PIANP: variants seen among roughly 807,000 people sequenced by gnomAD.
PIANP encodes PILR alpha-associated neural protein.
PIANP carries 14 observed loss-of-function variants against 28.9 expected under a neutral mutation model. The ratio of observed to expected loss-of-function variants is 0.49; its 90% CI spans 0.32 to 0.76. The LOEUF (loss-of-function observed/expected upper bound fraction) is 0.76. Ranked by LOEUF, PIANP falls within the 30% of genes least tolerant of loss-of-function variation. PIANP has a pLI of 0.03. For synonymous variants in PIANP, 149 were observed against 156.6 expected, an observed-to-expected ratio of 0.95 and a Z score of 0.36; for missense variants, 322 against 371.8, an observed-to-expected ratio of 0.87 and a Z score of 1.10.
rs1405143075 is a variant in PIANP at position 6,696,608 on chromosome 12, C to T, written c.524-84G>A. On this transcript the variant is annotated intron_variant, in intron 3 of 4. Coordinates refer to ENST00000534837, the MANE Select transcript of PIANP (RefSeq NM_001244014.2). This position sits in a 1 kb window ranked among gnomAD's most constrained non-coding sequence, Gnocchi z 4.0. ...CTGGGGGCTGGGCTGTGGGCTCTGT[C>T]GGCTGGAGTGGCATTGCTGTGTGGA... 35 of 949,126 alleles carry T rather than the reference C, an allele frequency of 3.7e-5. No individual in the cohort carries two copies. The highest frequency in any genetic ancestry group is 2.6e-4 in the Middle Eastern group (1 of 3,914). 58.8% of individuals were successfully genotyped at this position (949,126 alleles called of 1,614,324 possible).
In PIANP at chr12:6,696,454, G is replaced by A. The variant is rs758645040; in HGVS notation, c.594C>T (p.Ile198=). 3.8e-6 allele frequency: 6 copies of A among 1,599,668 alleles called. No individual in the cohort carries two copies. Among genetic ancestry groups the A allele is most frequent in the South Asian group, 3.4e-5 (3 of 87,226 alleles). ...TCCTCCCAGCTTACCAGAACTTGAA[G>A]ATGATGCCAGTGGCCACGAGAACAA... is the stretch of plus-strand genomic sequence containing the variant. The part of the protein sequence containing the change: ...IIIVLVATGI[I]FKFCWDRSQK... Residue 198 remains isoleucine (I), a synonymous_variant, in exon 4 of 5, where the codon ATC becomes ATT. Transcript: ENST00000534837. This position sits in a 1 kb window ranked among gnomAD's most constrained non-coding sequence, Gnocchi z 4.0.
chr12:6,699,680 G>T (rs574078056), intron 1 of PIANP, among the ~76,000 whole-genome samples: 2 of 151,846 alleles, frequency 1.3e-5, no homozygotes, highest in Non-Finnish European at 2.9e-5. Context: ...GGGAGAAAAG[G>T]GGGGAAAGCC....
rs2137705853 is a variant in PIANP, at chr12:6,695,910, C to T, written c.606-259G>A. 6.6e-6 allele frequency among the ~76,000 whole-genome samples: 1 copy of T among 152,228 alleles called. No individual in the cohort carries two copies. The highest frequency in any genetic ancestry group is 1.9e-4 in the East Asian group (1 of 5,180). ...TCCAGATCGACAAAATTAATATCCCCTCCCCACCACCACAATGTCCTCTCC... is the reference window on the plus strand; with the variant it reads ...TCCAGATCGACAAAATTAATATCCCTTCCCCACCACCACAATGTCCTCTCC... On this transcript the variant is annotated intron_variant, in intron 4 of 4. Coordinates refer to ENST00000534837, the MANE Select transcript of PIANP (RefSeq NM_001244014.2). The surrounding 1 kb of genome is among the most constrained non-coding windows in gnomAD (Gnocchi z 4.2).
chr12:6,698,138 C>T (rs1352515122), intron 1 of PIANP, 34 bp from the exon 2 acceptor site: 1 of 1,481,916 alleles, frequency 6.7e-7, no homozygotes. Flanking sequence ...CACCCCAGCC[C>T]TGCCCTGTGT....
In PIANP at chr12:6,697,859, G is replaced by A. The variant is rs1189895397; in HGVS notation, c.18-67C>T. ...GTGGGCCTATGTGAGGGAGGGACAG[G>A]TTCACACCAGAAACCTCCAGGTTTC... On this transcript the variant is annotated intron_variant, in intron 2 of 4. Transcript: ENST00000534837. This position sits in a 1 kb window ranked among gnomAD's most constrained non-coding sequence, Gnocchi z 6.9. The A allele has an allele frequency of 2.7e-6, 4 of 1,499,774 alleles. No individual in the cohort carries two copies. The African/African-American group carries it at 5.6e-5, about 21-fold the overall frequency. 92.9% of individuals were successfully genotyped at this position (1,499,774 alleles called of 1,614,324 possible). A position where few individuals can be genotyped will look rare whatever the true frequency, so the allele number is the denominator to read the frequency against.
chr12:6,699,715 G>C lies in PIANP; in HGVS notation c.-44+899C>G, dbSNP rs569653693. ...CCAGGATGGGGAGAAAGGAAGTGGG[G>C]AAGGAGAGAACATAAATGCTTAAGG... On this transcript the variant is annotated intron_variant, in intron 1 of 4. Transcript: ENST00000534837. Among the ~76,000 whole-genome samples, 5 of 151,816 alleles carry C rather than the reference G, an allele frequency of 3.3e-5. No homozygotes were observed. In the South Asian group the frequency reaches 1.0e-3, roughly 32 times the overall value.
At position 6,694,749 on chromosome 12, in the gene PIANP, G is replaced by A. The variant is rs530397361; in HGVS notation, c.*677C>T. On this transcript the variant is annotated 3_prime_UTR_variant, in exon 5 of 5. Transcript: ENST00000534837. This position sits in a 1 kb window ranked among gnomAD's most constrained non-coding sequence, Gnocchi z 6.1. ...ATGGACGGGGAGAGGGTGCAGGAGC[G>A]TGTGCAAATGGCCTGTGAAGGTGGA... 31 of 425,792 alleles carry A rather than the reference G, an allele frequency of 7.3e-5. No individual in the cohort carries two copies. The highest frequency in any genetic ancestry group is 1.1e-4 in the South Asian group (2 of 17,590). 26.4% of individuals were successfully genotyped at this position (425,792 alleles called of 1,614,324 possible). A position where few individuals can be genotyped will look rare whatever the true frequency, so the allele number is the denominator to read the frequency against.
Position 6,695,292 on chromosome 12 carries a change from C to T in PIANP, c.*134G>A, listed in dbSNP as rs1959818166. The T allele has an allele frequency of 3.6e-6, 5 of 1,406,854 alleles. No homozygotes were observed. The highest frequency in any genetic ancestry group is 3.0e-5 in the Admixed American group (1 of 33,172). 87.1% of individuals were successfully genotyped at this position (1,406,854 alleles called of 1,614,324 possible). A position where few individuals can be genotyped will look rare whatever the true frequency, so the allele number is the denominator to read the frequency against. ...GCCTCCCAGAGAGGAGCTGGTCCAG[C>T]CCCCTTGGGAGGGCCAGGGGCTGTG... On this transcript the variant is annotated 3_prime_UTR_variant, in exon 5 of 5. Coordinates refer to ENST00000534837, the MANE Select transcript of PIANP (RefSeq NM_001244014.2). This position sits in a 1 kb window ranked among gnomAD's most constrained non-coding sequence, Gnocchi z 4.2.
chr12:6,692,938 G>T (rs753295725), downstream of PIANP, among the ~76,000 whole-genome samples: 3 of 152,126 alleles, frequency 2.0e-5, no homozygotes, highest in Admixed American at 1.3e-4. Context: ...GTCCAGAGCA[G>T]CCCAGGCCAC....
chr12:6,697,458 C>G lies in PIANP; in HGVS notation c.352G>C (p.Gly118Arg). The G allele has an allele frequency of 6.2e-7, 1 of 1,614,038 alleles. No homozygotes were observed. The highest frequency in any genetic ancestry group is 8.5e-7 in the Non-Finnish European group (1 of 1,179,886). ...WGPTVSREDGGDPNSANPGFL... is the reference protein window; with the variant it reads ...WGPTVSREDGRDPNSANPGFL... Reference sequence around the variant, plus strand: ...CCGGGATTGGCAGAGTTGGGGTCCCCTCCATCCTCTCGAGACACGGTGGGA... The same window carrying G: ...CCGGGATTGGCAGAGTTGGGGTCCCGTCCATCCTCTCGAGACACGGTGGGA... The change falls in exon 3 of 5, where the codon GGG becomes CGG. Residue 118 changes from glycine to arginine, a missense_variant. Gly to Arg is a moderately radical substitution (Grantham distance 125). Coordinates refer to ENST00000534837, the MANE Select transcript of PIANP (RefSeq NM_001244014.2). The surrounding 1 kb of genome is among the most constrained non-coding windows in gnomAD (Gnocchi z 6.9).
rs746030551 is a variant in PIANP at position 6,695,644 on chromosome 12, G to A, written c.613C>T (p.Arg205Cys). The change falls in exon 5 of 5, where the codon CGC (arginine) becomes TGC (cysteine). Residue 205 changes from arginine (R) to cysteine (C), a missense_variant. Arg to Cys is a radical substitution (Grantham distance 180, BLOSUM62 -3). Coordinates refer to ENST00000534837, the MANE Select transcript of PIANP (RefSeq NM_001244014.2). This position sits in a 1 kb window ranked among gnomAD's most constrained non-coding sequence, Gnocchi z 4.2. ...TGIIFKFCWD[R>C]SQKRRRPSGQ... Reference sequence around the variant, plus strand: ...GAGGGTCTGCGTCGCTTCTGGCTGCGGTCCCAGCTGGGGTACCAGAGGAAA... The same window carrying A: ...GAGGGTCTGCGTCGCTTCTGGCTGCAGTCCCAGCTGGGGTACCAGAGGAAA... 4.6e-6 allele frequency: 7 copies of A among 1,515,710 alleles called. No individual in the cohort carries two copies. The highest frequency in any genetic ancestry group is 6.2e-6 in the Non-Finnish European group (7 of 1,129,816). The allele number at this position is 1,515,710 out of a possible 1,614,324, so 93.9% of individuals were successfully genotyped here.
Position 6,697,771 on chromosome 12 carries a change from G to A in PIANP, c.39C>T (p.His13=). ...SRMWPALLLS[H]LLPLWPLLLL... ...ACAGCAGTGGCCAGAGAGGGAGGAG[G>A]TGGGACAGCAGCAGCGCAGGCCTGC... Residue 13 remains histidine, a synonymous_variant, in exon 3 of 5, where the codon CAC becomes CAT. Coordinates refer to ENST00000534837, the MANE Select transcript of PIANP (RefSeq NM_001244014.2). This position sits in a 1 kb window ranked among gnomAD's most constrained non-coding sequence, Gnocchi z 6.9. 1 of 1,551,524 alleles carries A rather than the reference G, an allele frequency of 6.4e-7. No individual in the cohort carries two copies. The highest frequency in any genetic ancestry group is 8.7e-7 in the Non-Finnish European group (1 of 1,152,022).
chr12:6,696,925 C>A lies in PIANP; in HGVS notation c.523+362G>T, dbSNP rs1252665719. On this transcript the variant is annotated intron_variant, in intron 3 of 4. Transcript: ENST00000534837. This position sits in a 1 kb window ranked among gnomAD's most constrained non-coding sequence, Gnocchi z 4.0. ...CATCTCCCGGGTAGTGCCCTTCATT[C>A]ATGGCATTCTCTGCCCAGAATACTC... 6.6e-6 allele frequency among the ~76,000 whole-genome samples: 1 copy of A among 152,200 alleles called. No individual in the cohort carries two copies. The highest frequency in any genetic ancestry group is 1.5e-5 in the Non-Finnish European group (1 of 68,026).
chr12:6,692,990 C>T (rs895271845), downstream of PIANP, among the ~76,000 whole-genome samples: 6 of 152,060 alleles, frequency 3.9e-5, no homozygotes, highest in African/African-American at 1.5e-4. Context: ...CTGGGGCCAC[C>T]GCATTTCCAG....
In PIANP at chr12:6,696,147, G is replaced by A. The variant is rs866901878; in HGVS notation, c.605+296C>T. Among the ~76,000 whole-genome samples, 1 of 152,044 alleles carries A rather than the reference G, an allele frequency of 6.6e-6. No homozygotes were observed. The stretch of plus-strand genomic sequence containing the variant: ...ACCCTAAGAAGGGCTCTGCAGACTG[G>A]GTCAGCTTTCTCTGTCTTGGAGGAA... On this transcript the variant is annotated intron_variant, in intron 4 of 4. Transcript: ENST00000534837. The surrounding 1 kb of genome is among the most constrained non-coding windows in gnomAD (Gnocchi z 4.0).
In PIANP at chr12:6,695,908, C is replaced by T. The variant is rs1038612478; in HGVS notation, c.606-257G>A. ...GATCCAGATCGACAAAATTAATATC[C>T]CCTCCCCACCACCACAATGTCCTCT... On this transcript the variant is annotated intron_variant, in intron 4 of 4. Transcript: ENST00000534837. This position sits in a 1 kb window ranked among gnomAD's most constrained non-coding sequence, Gnocchi z 4.2. 9.9e-5 allele frequency among the ~76,000 whole-genome samples: 15 copies of T among 151,984 alleles called. No individual in the cohort carries two copies. Among genetic ancestry groups the T allele is most frequent in the Admixed American group, 1.3e-4 (2 of 15,252 alleles).
rs1959799818 is a variant in PIANP, at chr12:6,694,836, G to A, written c.*590C>T. On this transcript the variant is annotated 3_prime_UTR_variant, in exon 5 of 5. Coordinates refer to ENST00000534837, the MANE Select transcript of PIANP (RefSeq NM_001244014.2). The surrounding 1 kb of genome is among the most constrained non-coding windows in gnomAD (Gnocchi z 6.1). Reference sequence around the variant, plus strand: ...GTGGGGACAGGGACCCGAAGTCACAGATATGTGAGGCCCCCACCTGCAGGA... The same window carrying A: ...GTGGGGACAGGGACCCGAAGTCACAAATATGTGAGGCCCCCACCTGCAGGA... The A allele has an allele frequency of 3.3e-6, 2 of 600,324 alleles. No individual in the cohort carries two copies. The highest frequency in any genetic ancestry group is 5.8e-5 in the East Asian group (2 of 34,372). The allele number at this position is 600,324 out of a possible 1,614,324, so 37.2% of individuals were successfully genotyped here.
At position 6,697,316 on chromosome 12, in the gene PIANP, C is replaced by T. The variant is rs371234223; in HGVS notation, c.494G>A (p.Arg165Gln). The T allele has an allele frequency of 2.4e-5, 38 of 1,613,876 alleles. No homozygotes were observed. Among genetic ancestry groups the T allele is most frequent in the Admixed American group, 5.0e-5 (3 of 60,006 alleles). ...LILGEAPATLRPFLFGGRGEG... is the reference protein window; with the variant it reads ...LILGEAPATLQPFLFGGRGEG... ...CCCACGGCCCCCGAACAGGAATGGC[C>T]GCAGGGTGGCAGGTGCCTCTCCAAG... is the stretch of plus-strand genomic sequence containing the variant. The change falls in exon 3 of 5, where the codon CGG (arginine) becomes CAG (glutamine). Residue 165 changes from arginine (R) to glutamine (Q), a missense_variant. Physicochemically the swap from Arg to Gln is conservative, Grantham distance 43 (BLOSUM62 1). Coordinates refer to ENST00000534837, the MANE Select transcript of PIANP (RefSeq NM_001244014.2). This position sits in a 1 kb window ranked among gnomAD's most constrained non-coding sequence, Gnocchi z 6.9.
At position 6,697,143 on chromosome 12, in the gene PIANP, G is replaced by T; in HGVS notation, c.523+144C>A. 2 of 1,204,690 alleles carry T rather than the reference G, an allele frequency of 1.7e-6. No homozygotes were observed. Among genetic ancestry groups the T allele is most frequent in the Non-Finnish European group, 2.3e-6 (2 of 877,662 alleles). 74.6% of individuals were successfully genotyped at this position (1,204,690 alleles called of 1,614,324 possible). ...TCCAGTGGACCTGAACTCCGAGAGG[G>T]TGTCTTTATCTCTGCATCCTGTGCC... On this transcript the variant is annotated intron_variant, in intron 3 of 4. Transcript: ENST00000534837. This position sits in a 1 kb window ranked among gnomAD's most constrained non-coding sequence, Gnocchi z 6.9.
Sources: gnomAD v4.1 joint callset for allele counts (sites outside exome capture counted in the v4.1 genomes callset) on GRCh38, gnomAD v4.1.1 for gene constraint, Gnocchi (gnomAD v3.1) non-coding constraint, MANE v1.5 for transcripts, NCBI Gene and HGNC (gene_info 2026-07-23, HGNC 2026-07-21) for gene names.